Variants in GOT1L1 observed in about 807,000 individuals in gnomAD.
GOT1L1 encodes aspartate aminotransferase, cytoplasmic 2.
Under a neutral mutation model 43.6 loss-of-function variants are expected in GOT1L1, and 38 were observed. The observed-to-expected ratio is 0.87, with a 90% confidence interval of 0.67 to 1.14. GOT1L1 has a LOEUF of 1.14. Ranked by LOEUF, GOT1L1 falls within the 50% of genes most tolerant of loss-of-function variation. GOT1L1 has a pLI of 0.00. For synonymous variants in GOT1L1, 183 were observed against 187.2 expected, an observed-to-expected ratio of 0.98 and a Z score of 0.18; for missense variants, 482 against 504.0, an observed-to-expected ratio of 0.96 and a Z score of 0.42.
intron 2 of GOT1L1, among the ~76,000 whole-genome samples, chr8:37,938,133 C>T (rs141474372): frequency 2.6e-5 from 4 of 152,336 alleles, no homozygotes; most frequent in Admixed American, 6.5e-5. Context: ...CGCAGTAGCT[C>T]ATGCCTGTAA....
Position 37,938,653 on chromosome 8 carries a change from G to A in GOT1L1, c.297+47C>T, listed in dbSNP as rs146132130. 1.9e-3 allele frequency: 2,884 copies of A among 1,499,484 alleles called. 11 individuals carry two copies. The highest frequency in any genetic ancestry group is 0.011 in the African/African-American group (759 of 71,816). The allele number at this position is 1,499,484 out of a possible 1,614,324, so 92.9% of individuals were successfully genotyped here. On this transcript the variant is annotated intron_variant, in intron 2 of 8. Coordinates refer to ENST00000307599, the MANE Select transcript of GOT1L1 (RefSeq NM_152413.3). ...GTTTAAGGTTGTGCAGACCCAGATC[G>A]CCACTCTCTGTGTCTAAATGAGCCA...
Position 37,940,112 on chromosome 8 carries a change from G to A in GOT1L1, c.-83C>T. On this transcript the variant is annotated 5_prime_UTR_variant, in exon 1 of 9. Transcript: ENST00000307599. ...CCCAGAAGTCTTCCTCCAAGGCTGG[G>A]CCGGGCAGTCCTGCCTCTTCCTGGA... 2 of 1,495,562 alleles carry A rather than the reference G, an allele frequency of 1.3e-6. No homozygotes were observed. The highest frequency in any genetic ancestry group is 1.8e-6 in the Non-Finnish European group (2 of 1,115,622). 92.6% of individuals were successfully genotyped at this position (1,495,562 alleles called of 1,614,324 possible). A position where few individuals can be genotyped will look rare whatever the true frequency, so the allele number is the denominator to read the frequency against.
intron 2 of GOT1L1, 74 bp downstream of exon 2, chr8:37,938,626 G>A (rs550047184): frequency 5.8e-6 from 8 of 1,374,566 alleles, no homozygotes; most frequent in East Asian, 2.5e-5. Context: ...GGTCCCCTTC[G>A]GGTTTAAGGT....
Position 37,938,819 on chromosome 8 carries a change from T to G in GOT1L1, c.178A>C (p.Ile60Leu), listed in dbSNP as rs758509030. ...SLVVQKTRLQ[I>L]SQDPSLNYEY... Reference sequence around the variant, plus strand: ...TAATTCAGGGAGGGATCCTGTGAAATCTGTAGTCGAGTCTTCTGCACCACG... The same window carrying G: ...TAATTCAGGGAGGGATCCTGTGAAAGCTGTAGTCGAGTCTTCTGCACCACG... The change falls in exon 2 of 9, where the codon ATT becomes CTT. Residue 60 changes from isoleucine to leucine, a missense_variant. Physicochemically the swap from Ile to Leu is conservative, Grantham distance 5 (BLOSUM62 2). Transcript: ENST00000307599. The G allele has an allele frequency of 6.2e-7, 1 of 1,613,874 alleles. No individual in the cohort carries two copies. The highest frequency in any genetic ancestry group is 1.1e-5 in the South Asian group (1 of 91,046).
intron 8 of GOT1L1, 108 bp downstream of exon 8, chr8:37,934,965 T>C (rs1229171850): frequency 7.9e-7 from 1 of 1,266,654 alleles, no homozygotes. Flanking sequence ...GAGGACAGAA[T>C]CAAAATCTGG....
intron 1 of GOT1L1, 134 bp from the exon 2 acceptor site, chr8:37,939,015 T>G (rs1807842507): frequency 2.8e-6 from 2 of 710,768 alleles, no homozygotes. Context: ...AAATACAACT[T>G]TCCCTTTTCT....
In GOT1L1 at chr8:37,934,871, G is replaced by A. The variant is rs192753989; in HGVS notation, c.1072+202C>T. 1.1e-4 allele frequency: 70 copies of A among 617,604 alleles called. No individual in the cohort carries two copies. The East Asian group carries it at 1.7e-3, about 15-fold the overall frequency. The allele number at this position is 617,604 out of a possible 1,614,324, so 38.3% of individuals were successfully genotyped here. On this transcript the variant is annotated intron_variant, in intron 8 of 8. Coordinates refer to ENST00000307599, the MANE Select transcript of GOT1L1 (RefSeq NM_152413.3). ...GATTACAGGCATGAGCCACTGCACC[G>A]GGCACCCAGGCTGGTTTATGAAGGA...
chr8:37,935,676 C>T (rs1274462587), intron 7 of GOT1L1, 28 bp downstream of exon 7: 4 of 1,535,468 alleles, frequency 2.6e-6, no homozygotes, highest in African/African-American at 2.8e-5. Flanking sequence ...CCTCTCCCAT[C>T]CCTTCCTGCT....
rs1287276910 is a variant in GOT1L1, at chr8:37,936,972, A to G, written c.605T>C (p.Met202Thr). ...TPSGWAKLMS[M>T]IKSKQIFPFF... ...GTGGGAGATTGGGTTTACCTTTATC[A>G]TGGACATCAACTTTGCCCACCCACT... Residue 202 changes from methionine (M) to threonine (T), a missense_variant, in exon 5 of 9, where the codon ATG becomes ACG. Coordinates refer to ENST00000307599, the MANE Select transcript of GOT1L1 (RefSeq NM_152413.3). 9 of 1,613,872 alleles carry G rather than the reference A, an allele frequency of 5.6e-6. No individual in the cohort carries two copies. Among genetic ancestry groups the G allele is most frequent in the Non-Finnish European group, 6.8e-6 (8 of 1,179,756 alleles).
intron 1 of GOT1L1, 128 bp downstream of exon 1, chr8:37,939,787 A>T: frequency 2.3e-6 from 2 of 878,208 alleles, no homozygotes; most frequent in Non-Finnish European, 3.4e-6. Flanking sequence ...TAATTCTGTT[A>T]ACAAGAAAAG....
intron 8 of GOT1L1, among the ~76,000 whole-genome samples, chr8:37,934,690 C>T (rs536863506): frequency 6.6e-6 from 1 of 152,280 alleles, no homozygotes; most frequent in South Asian, 2.1e-4. Context: ...CCTGCCTCAA[C>T]CTCCCAAGTA....
chr8:37,938,197 G>A (rs1807816819), intron 2 of GOT1L1, among the ~76,000 whole-genome samples: 1 of 152,202 alleles, frequency 6.6e-6, no homozygotes, highest in Admixed American at 6.5e-5. Flanking sequence ...AGGAGTTTGA[G>A]ACCAGCCTGG....
At chr8:37,936,648 A>G in intron 6 of GOT1L1, 72 bp downstream of exon 6, 1 of 1,394,124 alleles carries the variant, frequency 7.2e-7, no homozygotes, top group Non-Finnish European at 9.9e-7. Context: ...ATGAGATATC[A>G]AAAACATCAC....
intron 2 of GOT1L1, among the ~76,000 whole-genome samples, chr8:37,937,988 C>G (rs957086836): frequency 6.6e-6 from 1 of 152,146 alleles, no homozygotes; most frequent in African/African-American, 2.4e-5. Context: ...TTGCAGTGAG[C>G]GGAGATCAGG....
In GOT1L1 at chr8:37,937,065, T is replaced by TA; in HGVS notation, c.520-9dup. The TA allele has an allele frequency of 6.2e-7, 1 of 1,612,942 alleles. No homozygotes were observed. The highest frequency in any genetic ancestry group is 8.5e-7 in the Non-Finnish European group (1 of 1,179,358). On this transcript the variant is annotated splice_polypyrimidine_tract_variant and intron_variant, in intron 4 of 8. Transcript: ENST00000307599. ...ACAGCCATGTGGGATCTGCTGCAGG[T>TA]ACAGACGGTCTCATCAGGCTTCACC...
intron 1 of GOT1L1, 59 bp from the exon 2 acceptor site, chr8:37,938,940 C>T (rs745467665): frequency 6.6e-7 from 1 of 1,513,284 alleles, no homozygotes; most frequent in Admixed American, 1.8e-5. Flanking sequence ...CAGGGCTGAG[C>T]TCTGCAGACA....
chr8:37,934,983 C>T, intron 8 of GOT1L1, 90 bp downstream of exon 8: 1 of 1,421,998 alleles, frequency 7.0e-7, no homozygotes, highest in Non-Finnish European at 9.7e-7. Flanking sequence ...TGGAGTGAAG[C>T]TAGGAACTGG....
chr8:37,940,103 C>G lies in GOT1L1; in HGVS notation c.-74G>C. ...CCGCTTCTGCCCAGAAGTCTTCCTCCAAGGCTGGGCCGGGCAGTCCTGCCT... is the reference window on the plus strand; with the variant it reads ...CCGCTTCTGCCCAGAAGTCTTCCTCGAAGGCTGGGCCGGGCAGTCCTGCCT... On this transcript the variant is annotated 5_prime_UTR_variant, in exon 1 of 9. Coordinates refer to ENST00000307599, the MANE Select transcript of GOT1L1 (RefSeq NM_152413.3). 1 of 1,516,544 alleles carries G rather than the reference C, an allele frequency of 6.6e-7. No homozygotes were observed. Among genetic ancestry groups the G allele is most frequent in the East Asian group, 2.5e-5 (1 of 40,758 alleles). 93.9% of individuals were successfully genotyped at this position (1,516,544 alleles called of 1,614,324 possible).
chr8:37,938,931 A>G, intron 1 of GOT1L1, 50 bp from the exon 2 acceptor site: 1 of 1,568,194 alleles, frequency 6.4e-7, no homozygotes, highest in Non-Finnish European at 8.7e-7. Context: ...TTGGGCCCCC[A>G]GGGCTGAGCT....
Sources: allele counts gnomAD v4.1 joint callset (sites outside exome capture counted in the v4.1 genomes callset), GRCh38; gene constraint gnomAD v4.1.1; transcripts MANE v1.5; gene names NCBI Gene and HGNC (gene_info 2026-07-23, HGNC 2026-07-21).